MYCBP2: variants seen among roughly 807,000 people sequenced by gnomAD.
The protein encoded by MYCBP2 is E3 ubiquitin-protein ligase MYCBP2.
MYCBP2 carries 120 observed loss-of-function variants against 525.3 expected under a neutral mutation model. The observed-to-expected ratio is 0.23, with a 90% CI of 0.20 to 0.27. The LOEUF (loss-of-function observed/expected upper bound fraction) is 0.27, where lower values mean the gene tolerates loss of function less well. Ranked by LOEUF, MYCBP2 falls within the 10% of genes least tolerant of loss-of-function variation. The pLI, the probability that MYCBP2 is intolerant of heterozygous loss-of-function variation, is 1.00. For missense variants in MYCBP2, 4,149 were observed against 5,657.1 expected (o/e 0.73, Z 8.55); for synonymous variants, 1,894 against 1,955.8 (o/e 0.97, Z 0.83).
chr13:77,276,133 T>C (rs2075550324), intron 4 of MYCBP2, among the ~76,000 whole-genome samples: 1 of 151,902 alleles, frequency 6.6e-6, no homozygotes, highest in Admixed American at 6.6e-5. Context: ...ACAAAGGGGG[T>C]GCTATTACAT....
intron 4 of MYCBP2, among the ~76,000 whole-genome samples, chr13:77,276,218 A>G (rs932915311): frequency 1.3e-5 from 2 of 152,230 alleles, no homozygotes; most frequent in African/African-American, 4.8e-5. Flanking sequence ...TTAAATAGAT[A>G]ATTTAAAAAT....
In MYCBP2 at chr13:77,237,841, A is replaced by G. The variant is rs545408003; in HGVS notation, c.2630-4578T>C. Among the ~76,000 whole-genome samples, 18 of 152,306 alleles carry G rather than the reference A, an allele frequency of 1.2e-4. No individual in the cohort carries two copies. In the East Asian group the frequency reaches 3.5e-3, roughly 29 times the overall value. Reference sequence around the variant, plus strand: ...TACTTATACTCTCTAAATTCTTCATATAATACTTTAATTTAAAAAGAGACT... The same window carrying G: ...TACTTATACTCTCTAAATTCTTCATGTAATACTTTAATTTAAAAAGAGACT... On this transcript the variant is annotated intron_variant, in intron 17 of 82. Transcript: ENST00000544440.
intron 23 of MYCBP2, among the ~76,000 whole-genome samples, chr13:77,209,810 G>A (rs961292506): frequency 1.3e-5 from 2 of 152,200 alleles, no homozygotes; most frequent in Non-Finnish European, 2.9e-5. Context: ...AAGTGCAGCA[G>A]TCTCTTCACT....
At chr13:77,121,775 G>A (rs143297755) in intron 54 of MYCBP2, among the ~76,000 whole-genome samples, 8 of 152,180 alleles carry the variant, frequency 5.3e-5, no homozygotes, top group African/African-American at 1.4e-4. Context: ...ATTACTGAAT[G>A]CATACTAATA....
intron 32 of MYCBP2, among the ~76,000 whole-genome samples, chr13:77,183,450 A>G (rs1029096827): frequency 6.6e-6 from 1 of 150,660 alleles, no homozygotes; most frequent in African/African-American, 2.4e-5. Flanking sequence ...GTTAGTTTTG[A>G]TAAAATTATA....
intron 17 of MYCBP2, among the ~76,000 whole-genome samples, chr13:77,238,984 G>T (rs2068400371): frequency 6.6e-6 from 1 of 152,202 alleles, no homozygotes; most frequent in African/African-American, 2.4e-5. Context: ...GCCAGGTGTG[G>T]TGGTGCATGC....
At chr13:77,307,168 C>T (rs1003241454) in intron 1 of MYCBP2, among the ~76,000 whole-genome samples, 1 of 152,042 alleles carries the variant, frequency 6.6e-6, no homozygotes, top group Non-Finnish European at 1.5e-5. Flanking sequence ...TCTGAAACTT[C>T]CTCCTTCCCC....
intron 80 of MYCBP2, among the ~76,000 whole-genome samples, chr13:77,053,747 C>CT (rs2037305022): frequency 1.3e-5 from 2 of 152,326 alleles, no homozygotes; most frequent in South Asian, 4.1e-4. Flanking sequence ...GCCTTTCTGG[C>CT]TATCATCTCT....
chr13:77,166,433 T>C lies in MYCBP2; in HGVS notation c.6236A>G (p.Tyr2079Cys), dbSNP rs754388017. The change falls in exon 41 of 83, where the codon TAT (tyrosine) becomes TGT (cysteine). Residue 2079 changes from tyrosine (Y) to cysteine (C), a missense_variant. Transcript: ENST00000544440. ...ATGAACAGATGTCAATTTTGGTCCA[T>C]ATCCTGAATTCTGAACAGTTCTGAC... ...IPVRTVQNSG[Y>C]GPKLTSVHEN... 2.2e-5 allele frequency: 35 copies of C among 1,613,896 alleles called. No homozygotes were observed. Among genetic ancestry groups the C allele is most frequent in the Non-Finnish European group, 2.5e-5 (30 of 1,179,902 alleles).
Position 77,326,950 on chromosome 13 carries a change from C to G in MYCBP2, c.-175G>C, listed in dbSNP as rs998698310. ...TTCTCCTCCTCCTTCTTCTCCTCCTCCCCCCCGCGCCGCCCTCGCCGCTAC... is the reference window on the plus strand; with the variant it reads ...TTCTCCTCCTCCTTCTTCTCCTCCTGCCCCCCGCGCCGCCCTCGCCGCTAC... On this transcript the variant is annotated 5_prime_UTR_variant, in exon 1 of 83. Transcript: ENST00000544440. The surrounding 1 kb of genome is among the most constrained non-coding windows in gnomAD (Gnocchi z 4.2). 5.9e-5 allele frequency: 31 copies of G among 525,504 alleles called. No homozygotes were observed. Among genetic ancestry groups the G allele is most frequent in the Non-Finnish European group, 8.7e-5 (29 of 332,742 alleles). The allele number at this position is 525,504 out of a possible 1,614,324, so 32.6% of individuals were successfully genotyped here.
intron 65 of MYCBP2, among the ~76,000 whole-genome samples, chr13:77,079,845 T>C (rs1419772620): frequency 6.6e-6 from 1 of 152,206 alleles, no homozygotes; most frequent in African/African-American, 2.4e-5. Context: ...TTTTGGATTT[T>C]CAGATTTGGA....
chr13:77,169,183 C>A (rs181425854), intron 39 of MYCBP2, among the ~76,000 whole-genome samples: 2 of 151,918 alleles, frequency 1.3e-5, no homozygotes, highest in Admixed American at 1.3e-4. Context: ...GCGAGGCGGG[C>A]GGATCACGAG....
chr13:77,128,191 T>C (rs949308512), intron 52 of MYCBP2, among the ~76,000 whole-genome samples: 17 of 152,012 alleles, frequency 1.1e-4, no homozygotes, highest in Admixed American at 6.6e-4. Flanking sequence ...AAACTTTACA[T>C]AGTACTTGCT....
intron 26 of MYCBP2, among the ~76,000 whole-genome samples, chr13:77,204,915 G>T (rs1209552471): frequency 8.9e-6 from 1 of 112,984 alleles, no homozygotes; most frequent in African/African-American, 3.3e-5. Flanking sequence ...GGGGGAGGGG[G>T]GAGGGATAGC....
At chr13:77,069,622 C>A (rs555386823) in intron 69 of MYCBP2, among the ~76,000 whole-genome samples, 1 of 148,592 alleles carries the variant, frequency 6.7e-6, no homozygotes, top group African/African-American at 2.5e-5. Flanking sequence ...TTTGGGAGGC[C>A]GAGGCGGGTG....
At chr13:77,278,098 C>A (rs1414596144) in intron 4 of MYCBP2, among the ~76,000 whole-genome samples, 1 of 152,082 alleles carries the variant, frequency 6.6e-6, no homozygotes, top group Non-Finnish European at 1.5e-5. Context: ...ATCCATAACA[C>A]AAATAGATTT....
At chr13:77,092,081 G>GA (rs5804892) in intron 59 of MYCBP2, among the ~76,000 whole-genome samples, 128,271 of 144,574 alleles carry the variant, frequency 0.89, 57,012 homozygotes, top group South Asian at 0.95. Context: ...TATTTTTAAT[G>GA]AAAAAAAAAA....
intron 15 of MYCBP2, among the ~76,000 whole-genome samples, chr13:77,249,839 A>T (rs1195633972): frequency 6.6e-6 from 1 of 152,274 alleles, no homozygotes; most frequent in Non-Finnish European, 1.5e-5. Flanking sequence ...AACAGAAAAC[A>T]GAGCCAAACA....
intron 68 of MYCBP2, among the ~76,000 whole-genome samples, chr13:77,074,142 C>CA (rs1382810873): frequency 2.0e-5 from 3 of 151,628 alleles, no homozygotes; most frequent in African/African-American, 7.3e-5. Context: ...TATAAAGCTA[C>CA]AGTAAGTAAG....
Sources: gnomAD v4.1 joint callset for allele counts (sites outside exome capture counted in the v4.1 genomes callset) on GRCh38, gnomAD v4.1.1 for gene constraint, Gnocchi (gnomAD v3.1) non-coding constraint, MANE v1.5 for transcripts, NCBI Gene and HGNC (gene_info 2026-07-23, HGNC 2026-07-21) for gene names.